Variants in AVL9 observed in about 807,000 individuals in gnomAD.
AVL9 encodes AVL9 cell migration associated, also known as late secretory pathway protein AVL9 homolog.
In AVL9, 49 loss-of-function variants were observed where a neutral mutation model predicts 79.2. That is an observed-to-expected ratio of 0.62 (90% CI 0.49 to 0.79). The LOEUF (loss-of-function observed/expected upper bound fraction) is 0.79. Among genes scored for constraint, AVL9 ranks in the 30% least tolerant of loss-of-function variants. AVL9 has a pLI of 0.00. For synonymous variants in AVL9, 299 were observed against 280.6 expected (o/e 1.07, Z -0.65); for missense variants, 682 against 776.8 (o/e 0.88, Z 1.45).
In AVL9 at chr7:32,582,422, C is replaced by G. The variant is rs539665169; in HGVS notation, c.1832-1370C>G. The stretch of plus-strand genomic sequence containing the variant: ...TTTGTAAAGACAACACACAGCGCTA[C>G]CACTAGATTAGTTTTATTGCAAAGG... On this transcript the variant is annotated intron_variant, in intron 15 of 15. Transcript: ENST00000318709. Among the ~76,000 whole-genome samples, 4 of 152,302 alleles carry G rather than the reference C, an allele frequency of 2.6e-5. No homozygotes were observed. The South Asian group carries it at 8.3e-4, about 32-fold the overall frequency.
intron 13 of AVL9, among the ~76,000 whole-genome samples, chr7:32,578,101 A>G (rs1791181480): frequency 6.6e-6 from 1 of 152,206 alleles, no homozygotes; most frequent in Admixed American, 6.5e-5. Flanking sequence ...GAGCATGGCC[A>G]AAAACAGGTT....
intron 1 of AVL9, chr7:32,533,894 G>T (rs1386164262): frequency 2.0e-5 from 3 of 152,200 alleles, no homozygotes; most frequent in African/African-American, 7.2e-5. Context: ...GTGGAACATA[G>T]TGCATTGTTA....
At chr7:32,579,446 ATATATTATATATTATAT>A (rs1791294417) in intron 13 of AVL9, among the ~76,000 whole-genome samples, 1 of 3,364 alleles carries the variant, frequency 3.0e-4, no homozygotes, top group African/African-American at 2.3e-3. Context: ...ATTATATATA[ATATATTATATATTATAT>A]ATAATATATT....
chr7:32,523,758 G>C (rs1374568583), intron 1 of AVL9, among the ~76,000 whole-genome samples: 27 of 145,216 alleles, frequency 1.9e-4, no homozygotes, highest in Middle Eastern at 3.7e-3. Flanking sequence ...TTTTGAGACG[G>C]AGTCTTGCTC....
At chr7:32,521,305 C>T (rs113793378) in intron 1 of AVL9, among the ~76,000 whole-genome samples, 2 of 152,298 alleles carry the variant, frequency 1.3e-5, no homozygotes, top group African/African-American at 4.8e-5. Context: ...AAGTTTGGAA[C>T]TTCCTAGAGA....
At chr7:32,556,419 C>T (rs936545814) in intron 8 of AVL9, among the ~76,000 whole-genome samples, 1 of 151,970 alleles carries the variant, frequency 6.6e-6, no homozygotes, top group African/African-American at 2.4e-5. Flanking sequence ...GAGGCTGAGG[C>T]AGGAGAACTG....
chr7:32,571,050 T>C lies in AVL9; in HGVS notation c.1350+896T>C, dbSNP rs1583593812. Among the ~76,000 whole-genome samples, 8 of 147,530 alleles carry C rather than the reference T, an allele frequency of 5.4e-5. No homozygotes were observed. In the South Asian group the frequency reaches 1.8e-3, roughly 32 times the overall value. On this transcript the variant is annotated intron_variant, in intron 11 of 15. Transcript: ENST00000318709. The stretch of plus-strand genomic sequence containing the variant: ...TTCGAGACCAGCCTGGCCAACATGG[T>C]GAAACCCCATGTCTACTAAAAATAC...
intron 1 of AVL9, among the ~76,000 whole-genome samples, chr7:32,502,735 A>C (rs2128111795): frequency 6.6e-6 from 1 of 152,300 alleles, no homozygotes; most frequent in African/African-American, 2.4e-5. Context: ...TACTGAACAC[A>C]ATTTAAGTTA....
intron 1 of AVL9, among the ~76,000 whole-genome samples, chr7:32,496,396 C>T (rs1315546269): frequency 2.0e-5 from 3 of 152,230 alleles, no homozygotes; most frequent in Admixed American, 2.0e-4. Context: ...TTCATCTTCT[C>T]CAGATTTTGC....
intron 2 of AVL9, among the ~76,000 whole-genome samples, chr7:32,544,275 G>A (rs919234323): frequency 6.6e-6 from 1 of 152,188 alleles, no homozygotes; most frequent in Non-Finnish European, 1.5e-5. Context: ...ACAGCTAAGA[G>A]ATGTAACAGT....
intron 1 of AVL9, among the ~76,000 whole-genome samples, chr7:32,509,915 A>T (rs993832023): frequency 6.6e-6 from 1 of 152,242 alleles, no homozygotes; most frequent in Non-Finnish European, 1.5e-5. Context: ...CAAAATGAGG[A>T]TTAAGGCAAA....
chr7:32,548,144 C>CTGTCTTTTTTTTTTTTT (rs1227025763), intron 3 of AVL9, among the ~76,000 whole-genome samples: 3 of 57,598 alleles, frequency 5.2e-5, no homozygotes, highest in African/African-American at 1.6e-4. Context: ...TTTGTCATCT[C>CTGTCTTTTTTTTTTTTT]TTTTTTCTTT....
intron 1 of AVL9, 70 bp downstream of exon 1, chr7:32,495,872 C>T (rs144462698): frequency 3.5e-5 from 35 of 1,006,328 alleles, no homozygotes; most frequent in Admixed American, 3.4e-4. Context: ...CCCTGCCCTG[C>T]TTCTGTGTGC....
chr7:32,583,383 A>C (rs969797916), intron 15 of AVL9, among the ~76,000 whole-genome samples: 1 of 152,204 alleles, frequency 6.6e-6, no homozygotes, highest in Admixed American at 6.5e-5. Flanking sequence ...TACTATTAAC[A>C]TATTGATGTG....
chr7:32,547,445 G>A (rs182315887), intron 3 of AVL9, among the ~76,000 whole-genome samples: 1 of 152,254 alleles, frequency 6.6e-6, no homozygotes, highest in East Asian at 1.9e-4. Flanking sequence ...GTCCGTTCTT[G>A]GAAATCTGTT....
At chr7:32,550,132 G>A (rs1789744655) in intron 4 of AVL9, among the ~76,000 whole-genome samples, 1 of 152,078 alleles carries the variant, frequency 6.6e-6, no homozygotes, top group Non-Finnish European at 1.5e-5. Flanking sequence ...AACATGTTAA[G>A]AGGCTTCCTG....
chr7:32,541,256 CAT>C (rs1562775553), intron 1 of AVL9, among the ~76,000 whole-genome samples: 1 of 152,018 alleles, frequency 6.6e-6, no homozygotes, highest in Non-Finnish European at 1.5e-5. Context: ...TAAAGAGAAA[CAT>C]ATTTCATGAT....
At chr7:32,577,857 AT>A (rs1442806483) in intron 13 of AVL9, among the ~76,000 whole-genome samples, 1 of 152,182 alleles carries the variant, frequency 6.6e-6, no homozygotes, top group Non-Finnish European at 1.5e-5. Flanking sequence ...TCATGCAGAT[AT>A]GATAGTGCAG....
At chr7:32,549,857 T>C (rs562667266) in intron 4 of AVL9, among the ~76,000 whole-genome samples, 1 of 148,992 alleles carries the variant, frequency 6.7e-6, no homozygotes, top group East Asian at 2.0e-4. Context: ...GAGGTGGAGG[T>C]TGCAGTGAGC....
Sources: allele counts gnomAD v4.1 joint callset (sites outside exome capture counted in the v4.1 genomes callset), GRCh38; gene constraint gnomAD v4.1.1; transcripts MANE v1.5; gene names NCBI Gene and HGNC (gene_info 2026-07-23, HGNC 2026-07-21).